The following ARHGAP6 variants were observed in gnomAD, a reference collection of about 807,000 sequenced individuals.
The protein encoded by ARHGAP6 is rho GTPase-activating protein 6.
A neutral mutation model predicts 55.7 loss-of-function variants in ARHGAP6; 16 were observed. The ratio of observed to expected loss-of-function variants is 0.29; its 90% confidence interval spans 0.19 to 0.44. ARHGAP6 has a LOEUF of 0.44. Ranked by LOEUF, ARHGAP6 falls within the 20% of genes least tolerant of loss-of-function variation. The pLI, the probability that ARHGAP6 is intolerant of heterozygous loss-of-function variation, is 1.00. For missense variants in ARHGAP6, 698 were observed against 808.9 expected (o/e 0.86, Z 1.66); for synonymous variants, 382 against 360.9 (o/e 1.06, Z -0.66).
chrX:11,326,515 G>A (rs762358064), intron 1 of ARHGAP6, among the ~76,000 whole-genome samples: 41 of 111,014 alleles, frequency 3.7e-4, no homozygotes, highest in African/African-American at 1.3e-3. Context: ...AAACACAGTT[G>A]AAGGTTGAGG....
At chrX:11,366,964 T>C (rs2049088388) in intron 1 of ARHGAP6, among the ~76,000 whole-genome samples, 1 of 111,634 alleles carries the variant, frequency 9.0e-6, no homozygotes. Flanking sequence ...AGGTGAGGAA[T>C]AACATGCCTT....
At chrX:11,394,347 G>C (rs1261395443) in intron 1 of ARHGAP6, among the ~76,000 whole-genome samples, 1 of 111,571 alleles carries the variant, frequency 9.0e-6, no homozygotes, top group Non-Finnish European at 1.9e-5. Context: ...TGTTCCAATA[G>C]AAAGTAGATT....
At chrX:11,494,082 T>A (rs917196353) in intron 1 of ARHGAP6, among the ~76,000 whole-genome samples, 1 of 110,693 alleles carries the variant, frequency 9.0e-6, no homozygotes, top group Non-Finnish European at 1.9e-5. Context: ...GGTGGCATCC[T>A]GTGCATTAGA....
intron 1 of ARHGAP6, among the ~76,000 whole-genome samples, chrX:11,321,297 G>A (rs2048429723): frequency 8.9e-6 from 1 of 112,005 alleles, no homozygotes; most frequent in African/African-American, 3.2e-5. Context: ...AATTTGGCCT[G>A]TAGTTCTAAT....
intron 1 of ARHGAP6, among the ~76,000 whole-genome samples, chrX:11,297,455 G>A (rs1402930835): frequency 8.9e-6 from 1 of 112,061 alleles, no homozygotes; most frequent in Non-Finnish European, 1.9e-5. Context: ...AATATTGTTT[G>A]GAGAGTAATA....
chrX:11,457,736 A>C (rs1396117948), intron 1 of ARHGAP6, among the ~76,000 whole-genome samples: 1 of 111,235 alleles, frequency 9.0e-6, no homozygotes, highest in East Asian at 2.8e-4. Flanking sequence ...GGCCCAGAAA[A>C]GGTTACAGAT....
At chrX:11,608,984 T>G (rs959192017) in intron 1 of ARHGAP6, among the ~76,000 whole-genome samples, 2 of 111,609 alleles carry the variant, frequency 1.8e-5, no homozygotes, top group African/African-American at 6.5e-5. Context: ...GAATGGCAGA[T>G]TCCGTCATAA....
At chrX:11,441,851 C>CA (rs1179372720) in intron 1 of ARHGAP6, among the ~76,000 whole-genome samples, 2 of 108,938 alleles carry the variant, frequency 1.8e-5, no homozygotes, top group Non-Finnish European at 3.8e-5. Context: ...AATTCCTTCT[C>CA]ATCACTTGCC....
At chrX:11,620,967 G>A (rs1192495274) in intron 1 of ARHGAP6, among the ~76,000 whole-genome samples, 1 of 112,277 alleles carries the variant, frequency 8.9e-6, no homozygotes, top group Non-Finnish European at 1.9e-5. Flanking sequence ...CACAGCCTCT[G>A]TCTAGACAAA....
chrX:11,460,990 C>T (rs1186020148), intron 1 of ARHGAP6, among the ~76,000 whole-genome samples: 5 of 111,927 alleles, frequency 4.5e-5, no homozygotes, highest in African/African-American at 9.7e-5. Context: ...TGTGGGTTTT[C>T]GGGGGCTCTA....
chrX:11,351,293 A>G, intron 1 of ARHGAP6: 1 of 861,369 alleles, frequency 1.2e-6, no homozygotes, highest in Non-Finnish European at 1.5e-6. Context: ...TTTACATTCT[A>G]ATATATTTGT....
chrX:11,184,454 G>T (rs1217514780), intron 5 of ARHGAP6, among the ~76,000 whole-genome samples: 1 of 112,089 alleles, frequency 8.9e-6, no homozygotes, highest in East Asian at 2.8e-4. Flanking sequence ...TGTTTTAGTT[G>T]TGTTTTCTAT....
At position 11,520,874 on chromosome X, in the gene ARHGAP6, T is replaced by C. The variant is rs2050916673; in HGVS notation, c.588+143367A>G. ...CCATTCTAACTGGTGTGAGATGGTA[T>C]CTCATTGCAGTTTTGATTTGCATTT... On this transcript the variant is annotated intron_variant, in intron 1 of 12. Coordinates refer to ENST00000337414, the MANE Select transcript of ARHGAP6 (RefSeq NM_013427.3). Among the ~76,000 whole-genome samples, 2 of 112,185 alleles carry C rather than the reference T, an allele frequency of 1.8e-5. 1 individual carries two copies. The highest frequency in any genetic ancestry group is 6.5e-5 in the African/African-American group (2 of 30,849).
chrX:11,275,683 C>G (rs1262624645), intron 1 of ARHGAP6, among the ~76,000 whole-genome samples: 1 of 111,769 alleles, frequency 8.9e-6, no homozygotes, highest in Non-Finnish European at 1.9e-5. Flanking sequence ...GAGGTGAAAA[C>G]ACAAGATCGC....
chrX:11,205,315 G>A (rs2046690278), intron 2 of ARHGAP6, among the ~76,000 whole-genome samples: 1 of 111,671 alleles, frequency 9.0e-6, no homozygotes, highest in Admixed American at 9.5e-5. Context: ...AGGATGCTTA[G>A]TGGATCCCTG....
intron 2 of ARHGAP6, among the ~76,000 whole-genome samples, chrX:11,217,780 CTT>C (rs1401509560): frequency 8.9e-6 from 1 of 111,928 alleles, no homozygotes; most frequent in Non-Finnish European, 1.9e-5. Flanking sequence ...GTCATGAAGT[CTT>C]TGCCCATGCC....
rs1485885929 is a variant in ARHGAP6 at position 11,143,960 on chromosome X, G to C, written c.2176+20C>G. ...GGGTCGCTTGTTTTGGCCAGCGCCT[G>C]CTGGCCAGGCTCCAGTTACCTTTCC... On this transcript the variant is annotated intron_variant, in intron 11 of 12. Coordinates refer to ENST00000337414, the MANE Select transcript of ARHGAP6 (RefSeq NM_013427.3). 4 of 1,210,422 alleles carry C rather than the reference G, an allele frequency of 3.3e-6. No individual in the cohort carries two copies. The highest frequency in any genetic ancestry group is 1.7e-5 in the African/African-American group (1 of 57,245).
chrX:11,648,205 A>G (rs1311054935), intron 1 of ARHGAP6, among the ~76,000 whole-genome samples: 3 of 111,979 alleles, frequency 2.7e-5, no homozygotes, highest in Admixed American at 9.4e-5. Flanking sequence ...TAGACAGAGT[A>G]ATTACCCTGA....
At chrX:11,654,342 G>A (rs6639071) in intron 1 of ARHGAP6, among the ~76,000 whole-genome samples, 1,431 of 111,511 alleles carry the variant, frequency 0.013, 27 homozygotes, top group African/African-American at 0.045. Flanking sequence ...ATTTCCATGA[G>A]CTGTCCACTT....
Sources: gnomAD v4.1 joint callset for allele counts (sites outside exome capture counted in the v4.1 genomes callset) on GRCh38, gnomAD v4.1.1 for gene constraint, MANE v1.5 for transcripts, NCBI Gene and HGNC (gene_info 2026-07-23, HGNC 2026-07-21) for gene names.